The following RABGAP1L variants were observed in gnomAD, a reference collection of about 807,000 sequenced individuals.
RABGAP1L encodes the protein RAB GTPase activating protein 1 like.
A neutral mutation model predicts 137.7 loss-of-function variants in RABGAP1L; 63 were observed. The observed-to-expected ratio is 0.46, with a 90% CI of 0.37 to 0.56. The LOEUF (loss-of-function observed/expected upper bound fraction) is 0.56. RABGAP1L is among the 20% of genes least tolerant of loss of function. The probability of loss-of-function intolerance (pLI) is 0.00; values close to 1 mark genes in which losing one functional copy is unlikely to be tolerated. For missense variants in RABGAP1L, 1,095 were observed against 1,244.0 expected (o/e 0.88, Z 1.80); for synonymous variants, 431 against 433.7 (o/e 0.99, Z 0.08).
At chr1:174,307,775 A>C (rs536672636) in intron 11 of RABGAP1L, among the ~76,000 whole-genome samples, 1 of 152,304 alleles carries the variant, frequency 6.6e-6, no homozygotes, top group Admixed American at 6.5e-5. Context: ...GCTGCAGTAC[A>C]CATGGGAGTG....
At chr1:174,878,037 A>G (rs532957564) in intron 19 of RABGAP1L, among the ~76,000 whole-genome samples, 8 of 152,224 alleles carry the variant, frequency 5.3e-5, no homozygotes, top group Non-Finnish European at 1.0e-4. Context: ...CTATTAGGAA[A>G]ATAACAGTAC....
At chr1:174,674,335 G>C (rs1677425323) in intron 14 of RABGAP1L, among the ~76,000 whole-genome samples, 1 of 147,716 alleles carries the variant, frequency 6.8e-6, no homozygotes, top group Non-Finnish European at 1.5e-5. Flanking sequence ...GGAACATGTG[G>C]TGTTTGGTTT....
intron 20 of RABGAP1L, 147 bp from the exon 21 acceptor site, chr1:174,969,129 AC>A (rs1669916071): frequency 1.6e-6 from 1 of 628,096 alleles, no homozygotes; most frequent in Non-Finnish European, 2.9e-6. Context: ...TGTTTCCCAG[AC>A]AGCAATCCTG....
chr1:174,751,500 T>C (rs1331582953), intron 17 of RABGAP1L, among the ~76,000 whole-genome samples: 2 of 152,214 alleles, frequency 1.3e-5, no homozygotes, highest in East Asian at 3.8e-4. Flanking sequence ...TTTTTTCTTA[T>C]GTATGATGAC....
At chr1:174,407,050 G>T (rs1408393928) in intron 13 of RABGAP1L, among the ~76,000 whole-genome samples, 1 of 152,090 alleles carries the variant, frequency 6.6e-6, no homozygotes, top group Admixed American at 6.6e-5. Context: ...TCTCTCTAGG[G>T]ATTTTGCTTT....
chr1:174,515,365 A>C (rs1662727780), intron 13 of RABGAP1L, among the ~76,000 whole-genome samples: 1 of 152,188 alleles, frequency 6.6e-6, no homozygotes, highest in African/African-American at 2.4e-5. Flanking sequence ...AGCTTTGAAA[A>C]TGTGTGTCCC....
At chr1:174,589,270 A>C (rs752723937) in intron 13 of RABGAP1L, among the ~76,000 whole-genome samples, 3 of 152,080 alleles carry the variant, frequency 2.0e-5, no homozygotes, top group Admixed American at 1.3e-4. Flanking sequence ...TGTTTATTCA[A>C]ATCTTTTGCC....
intron 16 of RABGAP1L, chr1:174,701,214 G>A: frequency 7.9e-7 from 1 of 1,269,686 alleles, no homozygotes; most frequent in South Asian, 1.4e-5. Context: ...TGTTTAAATT[G>A]GGAGAAAAAA....
chr1:174,796,511 T>G (rs1467204498), intron 18 of RABGAP1L, among the ~76,000 whole-genome samples: 2 of 152,182 alleles, frequency 1.3e-5, no homozygotes, highest in Admixed American at 1.3e-4. Context: ...AACATTCTAT[T>G]CTGAAAGAAT....
chr1:174,237,965 CA>C (rs1163699712), intron 4 of RABGAP1L, among the ~76,000 whole-genome samples: 1 of 150,566 alleles, frequency 6.6e-6, no homozygotes, highest in Non-Finnish European at 1.5e-5. Flanking sequence ...AGGCTTTGCT[CA>C]TTTCTTTTTA....
chr1:174,183,125 T>C (rs1438615786), intron 1 of RABGAP1L, among the ~76,000 whole-genome samples: 2 of 152,242 alleles, frequency 1.3e-5, no homozygotes, highest in Admixed American at 1.3e-4. Flanking sequence ...TTCATCTTTA[T>C]ATACCTTGAA....
chr1:174,931,923 T>C (rs1310681462), intron 19 of RABGAP1L, among the ~76,000 whole-genome samples: 1 of 152,006 alleles, frequency 6.6e-6, no homozygotes, highest in Non-Finnish European at 1.5e-5. Flanking sequence ...GGGTAGATTT[T>C]TGAGGCTTGC....
chr1:174,641,157 A>G (rs1674504792), intron 14 of RABGAP1L, among the ~76,000 whole-genome samples: 1 of 151,944 alleles, frequency 6.6e-6, no homozygotes, highest in Non-Finnish European at 1.5e-5. Context: ...AATTTCAGTG[A>G]CAATAAGTTT....
At chr1:174,521,405 T>A (rs1663377776) in intron 13 of RABGAP1L, among the ~76,000 whole-genome samples, 1 of 152,228 alleles carries the variant, frequency 6.6e-6, no homozygotes, top group Admixed American at 6.5e-5. Flanking sequence ...AAACTAGTTT[T>A]GGAAAGGTAC....
chr1:174,780,679 AT>A (rs1374785018), intron 18 of RABGAP1L, among the ~76,000 whole-genome samples: 2 of 149,556 alleles, frequency 1.3e-5, no homozygotes, highest in Admixed American at 1.3e-4. Context: ...TTAACTCGTC[AT>A]TTACATTAGG....
intron 19 of RABGAP1L, among the ~76,000 whole-genome samples, chr1:174,924,408 AG>A: frequency 4.3e-4 from 63 of 146,082 alleles, no homozygotes; most frequent in African/African-American, 1.4e-3. Flanking sequence ...AAAAAAAAAG[AG>A]AGAGATACAA....
intron 13 of RABGAP1L, among the ~76,000 whole-genome samples, chr1:174,582,705 G>T (rs1209638577): frequency 6.6e-6 from 1 of 152,200 alleles, no homozygotes; most frequent in Non-Finnish European, 1.5e-5. Flanking sequence ...AGTTTCAGTG[G>T]AGTGTTGAGG....
intron 11 of RABGAP1L, among the ~76,000 whole-genome samples, chr1:174,330,510 A>T (rs2148861861): frequency 6.6e-6 from 1 of 152,266 alleles, no homozygotes; most frequent in East Asian, 1.9e-4. Flanking sequence ...GCTTGGGCCC[A>T]GGAGTTTGGC....
chr1:174,928,044 A>C (rs528267560), intron 19 of RABGAP1L, among the ~76,000 whole-genome samples: 1 of 152,034 alleles, frequency 6.6e-6, no homozygotes, highest in East Asian at 1.9e-4. Flanking sequence ...ACAAATTTGA[A>C]CTCCTTACTG....
Sources: allele counts gnomAD v4.1 joint callset (sites outside exome capture counted in the v4.1 genomes callset), GRCh38; gene constraint gnomAD v4.1.1; transcripts MANE v1.5; gene names NCBI Gene and HGNC (gene_info 2026-07-23, HGNC 2026-07-21).